RBPMS: variants seen among roughly 807,000 people sequenced by gnomAD.
RBPMS encodes the protein RNA binding protein, mRNA processing factor.
RBPMS carries 7 observed loss-of-function variants against 26.8 expected under a neutral mutation model. That is an observed-to-expected ratio of 0.26 (90% CI 0.15 to 0.49). The LOEUF is 0.49. RBPMS is among the 20% of genes least tolerant of loss of function. The pLI is 0.98. For synonymous variants in RBPMS, 96 were observed against 93.3 expected, an observed-to-expected ratio of 1.03 and a Z score of -0.17; for missense variants, 186 against 250.0, an observed-to-expected ratio of 0.74 and a Z score of 1.73.
At chr8:30,466,311 G>A (rs1816486847) in intron 1 of RBPMS, among the ~76,000 whole-genome samples, 2 of 152,164 alleles carry the variant, frequency 1.3e-5, no homozygotes, top group Non-Finnish European at 2.9e-5. Context: ...ACTTTGGTAG[G>A]CTAAGGTATG....
intron 1 of RBPMS, among the ~76,000 whole-genome samples, chr8:30,449,369 C>CTTTTTTTTTTTTTTTTTTTTTTTTTTTTT (rs5890522): frequency 9.4e-6 from 1 of 106,512 alleles, no homozygotes. Flanking sequence ...CACATCTCCT[C>CTTTTTTTTTTTTTTTTTTTTTTTTTTTTT]TTTTTTTTTT....
intron 6 of RBPMS, among the ~76,000 whole-genome samples, chr8:30,551,137 G>T (rs1826333518): frequency 6.6e-6 from 1 of 152,078 alleles, no homozygotes; most frequent in South Asian, 2.1e-4. Flanking sequence ...CCAGGCAGAT[G>T]CTCTCTCCCT....
At chr8:30,414,920 T>G (rs1809885657) in intron 1 of RBPMS, among the ~76,000 whole-genome samples, 1 of 152,058 alleles carries the variant, frequency 6.6e-6, no homozygotes, top group South Asian at 2.1e-4. Flanking sequence ...CCTTTTCCCC[T>G]TTCCTCCTGA....
intron 1 of RBPMS, among the ~76,000 whole-genome samples, chr8:30,466,314 A>G (rs1816487156): frequency 6.6e-6 from 1 of 152,188 alleles, no homozygotes. Context: ...TTGGTAGGCT[A>G]AGGTATGAAG....
At chr8:30,423,790 A>G (rs534470211) in intron 1 of RBPMS, among the ~76,000 whole-genome samples, 15 of 150,948 alleles carry the variant, frequency 9.9e-5, no homozygotes, top group African/African-American at 3.4e-4. Flanking sequence ...GGTTTAAACT[A>G]GGTTTGTATT....
intron 6 of RBPMS, among the ~76,000 whole-genome samples, chr8:30,548,159 G>C (rs1826015715): frequency 6.6e-6 from 1 of 152,166 alleles, no homozygotes; most frequent in Non-Finnish European, 1.5e-5. Flanking sequence ...AAGGTCATTG[G>C]TATTTGAAAT....
intron 5 of RBPMS, among the ~76,000 whole-genome samples, chr8:30,533,621 GCA>G (rs1824476557): frequency 6.6e-6 from 1 of 152,148 alleles, no homozygotes; most frequent in Admixed American, 6.5e-5. Context: ...AAATTCCTTG[GCA>G]CACAGAAATG....
intron 6 of RBPMS, chr8:30,553,044 G>A (rs1462666663): frequency 2.0e-5 from 3 of 152,268 alleles, no homozygotes; most frequent in African/African-American, 7.2e-5. Flanking sequence ...CAGGTGAGAT[G>A]GCAGCCTTAA....
chr8:30,438,586 T>C (rs1359491951), intron 1 of RBPMS, among the ~76,000 whole-genome samples: 1 of 152,216 alleles, frequency 6.6e-6, no homozygotes, highest in Non-Finnish European at 1.5e-5. Flanking sequence ...CTTTAGCTCT[T>C]ATTCTAACAC....
intron 1 of RBPMS, among the ~76,000 whole-genome samples, chr8:30,408,916 G>A (rs938887926): frequency 6.6e-6 from 1 of 152,088 alleles, no homozygotes; most frequent in African/African-American, 2.4e-5. Flanking sequence ...CTATGGATTA[G>A]CCTGTTTCAG....
At chr8:30,548,181 G>T (rs1388387247) in intron 6 of RBPMS, among the ~76,000 whole-genome samples, 2 of 152,164 alleles carry the variant, frequency 1.3e-5, no homozygotes, top group Non-Finnish European at 2.9e-5. Context: ...TGTTAATTAG[G>T]AGAGGAAACT....
chr8:30,544,871 C>G, intron 6 of RBPMS: 2 of 1,504,640 alleles, frequency 1.3e-6, no homozygotes, highest in Non-Finnish European at 1.8e-6. Flanking sequence ...AATGATCTCA[C>G]CTCATATCGC....
At chr8:30,468,664 G>A (rs1010988790) in intron 1 of RBPMS, among the ~76,000 whole-genome samples, 10 of 152,090 alleles carry the variant, frequency 6.6e-5, no homozygotes, top group African/African-American at 2.2e-4. Flanking sequence ...CATACACTCT[G>A]TGCCTAGGAC....
rs186076117 is a variant in RBPMS at position 30,475,847 on chromosome 8, A to G, written c.144+991A>G. 2.6e-3 allele frequency among the ~76,000 whole-genome samples: 392 copies of G among 152,332 alleles called. 5 individuals are homozygous for G. The highest frequency in any genetic ancestry group is 9.0e-3 in the African/African-American group (376 of 41,580). ...AGGGACATAAGTCCACCTGACAGCC[A>G]TCGCTTTAATGCAACAATAATGATG... On this transcript the variant is annotated intron_variant, in intron 2 of 8. Coordinates refer to ENST00000397323, the MANE Select transcript of RBPMS (RefSeq NM_001008710.3).
chr8:30,457,681 G>T (rs1815390453), intron 1 of RBPMS, among the ~76,000 whole-genome samples: 1 of 149,942 alleles, frequency 6.7e-6, no homozygotes. Flanking sequence ...TGCCTCCCGG[G>T]TTCAAGTGAT....
chr8:30,521,470 A>T (rs1268150737), intron 5 of RBPMS, among the ~76,000 whole-genome samples: 1 of 152,230 alleles, frequency 6.6e-6, no homozygotes. Flanking sequence ...TGAAGAATAG[A>T]TGAACTTTGT....
rs1331437362 is a variant in RBPMS at position 30,483,820 on chromosome 8, A to G, written c.246+4443A>G. Among the ~76,000 whole-genome samples, 9 of 151,986 alleles carry G rather than the reference A, an allele frequency of 5.9e-5. 1 individual carries two copies. In the South Asian group the frequency reaches 1.5e-3, roughly 25 times the overall value. ...TCTAATCTGCTTGCTTTCTCCGTGA[A>G]TTTGCCTATTCTAAATAATGAAATA... On this transcript the variant is annotated intron_variant, in intron 4 of 8. Transcript: ENST00000397323.
intron 1 of RBPMS, among the ~76,000 whole-genome samples, chr8:30,464,635 A>G (rs1010234858): frequency 6.6e-6 from 1 of 152,216 alleles, no homozygotes; most frequent in Non-Finnish European, 1.5e-5. Flanking sequence ...GGTACTTTAA[A>G]TGACCATGAA....
intron 6 of RBPMS, chr8:30,555,734 G>C: frequency 7.1e-6 from 2 of 280,778 alleles, no homozygotes; most frequent in South Asian, 2.7e-4. Context: ...GACGCAGGCA[G>C]TCTGGAGGGA....
Sources: gnomAD v4.1 joint callset for allele counts (sites outside exome capture counted in the v4.1 genomes callset) on GRCh38, gnomAD v4.1.1 for gene constraint, MANE v1.5 for transcripts, NCBI Gene and HGNC (gene_info 2026-07-23, HGNC 2026-07-21) for gene names.